The following SDK1 variants were observed in gnomAD, a reference collection of about 807,000 sequenced individuals.
The protein encoded by SDK1 is protein sidekick-1.
SDK1 carries 157 observed loss-of-function variants against 245.5 expected under a neutral mutation model. The ratio of observed to expected loss-of-function variants is 0.64; its 90% CI spans 0.56 to 0.73. SDK1 has a LOEUF of 0.73. Ranked by LOEUF, SDK1 falls within the 30% of genes least tolerant of loss-of-function variation. SDK1 has a pLI of 0.00. For missense variants in SDK1, 3,583 were observed against 3,002.3 expected, an observed-to-expected ratio of 1.19 and a Z score of -4.52; for synonymous variants, 1,647 against 1,278.5, an observed-to-expected ratio of 1.29 and a Z score of -6.15.
intron 1 of SDK1, among the ~76,000 whole-genome samples, chr7:3,330,020 A>T (rs765353415): frequency 2.0e-5 from 3 of 152,206 alleles, no homozygotes; most frequent in Non-Finnish European, 4.4e-5. Context: ...TACCAAGTAG[A>T]TGTCTATACT....
intron 5 of SDK1, among the ~76,000 whole-genome samples, chr7:3,946,323 A>C (rs1780577309): frequency 6.6e-6 from 1 of 152,022 alleles, no homozygotes; most frequent in Non-Finnish European, 1.5e-5. Context: ...GACCACAGGC[A>C]CAGACCACTA....
At chr7:3,524,801 TC>T (rs1178744442) in intron 1 of SDK1, among the ~76,000 whole-genome samples, 1 of 151,942 alleles carries the variant, frequency 6.6e-6, no homozygotes, top group East Asian at 1.9e-4. Flanking sequence ...TCTGTAGAGG[TC>T]CAGATTAGAA....
At chr7:4,060,187 T>G (rs535382853) in intron 19 of SDK1, among the ~76,000 whole-genome samples, 3 of 152,246 alleles carry the variant, frequency 2.0e-5, no homozygotes, top group South Asian at 2.1e-4. Context: ...GGCCAGAAAT[T>G]TCTTGAAACA....
At chr7:3,574,071 C>G (rs1780205769) in intron 1 of SDK1, among the ~76,000 whole-genome samples, 1 of 151,316 alleles carries the variant, frequency 6.6e-6, no homozygotes, top group South Asian at 2.1e-4. Flanking sequence ...TAGACTTTGC[C>G]TCTGCAGCTA....
intron 2 of SDK1, among the ~76,000 whole-genome samples, chr7:3,637,188 C>G (rs1779704135): frequency 6.6e-6 from 1 of 152,120 alleles, no homozygotes; most frequent in Admixed American, 6.5e-5. Context: ...ACCTCCGCCT[C>G]CCGAGTTCAA....
intron 32 of SDK1, among the ~76,000 whole-genome samples, chr7:4,162,563 C>G (rs1248118654): frequency 6.6e-6 from 1 of 151,978 alleles, no homozygotes; most frequent in African/African-American, 2.4e-5. Flanking sequence ...CTACACCCAA[C>G]TAACTTTTGT....
rs553950942 is a variant in SDK1, at chr7:3,842,768, A to G, written c.847+21185A>G. ...TCCTTTTCTCCCTCACTTCTTCTTC[A>G]CGGGAATTCCGCTTCCTGATAATGC... On this transcript the variant is annotated intron_variant, in intron 5 of 44. Transcript: ENST00000404826. Among the ~76,000 whole-genome samples the G allele has an allele frequency of 2.0e-5, 3 of 152,138 alleles. No homozygotes were observed. The East Asian group carries it at 5.8e-4, about 30-fold the overall frequency.
At chr7:4,030,768 C>T (rs990319777) in intron 17 of SDK1, among the ~76,000 whole-genome samples, 1 of 152,204 alleles carries the variant, frequency 6.6e-6, no homozygotes, top group African/African-American at 2.4e-5. Context: ...AGCCTTCCCG[C>T]TGTGTTTCAT....
In SDK1 at chr7:4,120,981, CT is replaced by C. The variant is rs1001001779; in HGVS notation, c.3824-6390del. 5.8e-4 allele frequency among the ~76,000 whole-genome samples: 85 copies of C among 147,088 alleles called. 2 individuals carry two copies. The South Asian group carries it at 0.012, about 20-fold the overall frequency. On this transcript the variant is annotated intron_variant, in intron 25 of 44. Transcript: ENST00000404826. ...ATGGCAAAACTGCTGATTTGAGACT[CT>C]TTTTTTTTTAAACAAACATTTCCAG... is the stretch of plus-strand genomic sequence containing the variant.
intron 1 of SDK1, among the ~76,000 whole-genome samples, chr7:3,444,943 A>C (rs907763857): frequency 1.4e-4 from 21 of 152,226 alleles, no homozygotes; most frequent in Non-Finnish European, 2.8e-4. Context: ...TCCTACTTAC[A>C]AACTACTTTG....
intron 7 of SDK1, among the ~76,000 whole-genome samples, chr7:3,958,724 C>G (rs1781451494): frequency 6.6e-6 from 1 of 152,168 alleles, no homozygotes; most frequent in Admixed American, 6.5e-5. Context: ...AGCCATCACC[C>G]TGAGTAGTAA....
chr7:3,572,573 C>T (rs899622947), intron 1 of SDK1, among the ~76,000 whole-genome samples: 2 of 152,040 alleles, frequency 1.3e-5, no homozygotes, highest in South Asian at 4.1e-4. Context: ...AATCGTCTCA[C>T]TGTGTGTGAG....
intron 1 of SDK1, among the ~76,000 whole-genome samples, chr7:3,506,052 C>A (rs1378223585): frequency 6.6e-6 from 1 of 151,528 alleles, no homozygotes; most frequent in Non-Finnish European, 1.5e-5. Flanking sequence ...TTGTAGACAC[C>A]CACATTTACC....
At chr7:3,512,190 G>A (rs778254033) in intron 1 of SDK1, among the ~76,000 whole-genome samples, 6 of 151,962 alleles carry the variant, frequency 3.9e-5, no homozygotes, top group Non-Finnish European at 8.8e-5. Context: ...TTTGCAGAAT[G>A]TCGTATCATT....
At chr7:3,929,773 G>A (rs1309907152) in intron 5 of SDK1, among the ~76,000 whole-genome samples, 2 of 152,102 alleles carry the variant, frequency 1.3e-5, no homozygotes, top group African/African-American at 2.4e-5. Flanking sequence ...TTGTAGATAG[G>A]TGGAGAGGTG....
chr7:3,981,253 C>T lies in SDK1; in HGVS notation c.1995-5933C>T, dbSNP rs1783380047. On this transcript the variant is annotated intron_variant, in intron 13 of 44. Transcript: ENST00000404826. The stretch of plus-strand genomic sequence containing the variant: ...AATTGTTTTGGGACACCATGAGCCA[C>T]GCCGATGTTAAGATGGCAAACTTAA... Among the ~76,000 whole-genome samples the T allele has an allele frequency of 3.3e-5, 5 of 152,148 alleles. No homozygotes were observed. The South Asian group carries it at 1.0e-3, about 32-fold the overall frequency.
chr7:3,388,252 A>G (rs1781658950), intron 1 of SDK1, among the ~76,000 whole-genome samples: 1 of 151,868 alleles, frequency 6.6e-6, no homozygotes, highest in Admixed American at 6.6e-5. Flanking sequence ...ATTTTTATGT[A>G]TGTAAAGTTC....
At chr7:4,090,043 G>A (rs974895608) in intron 22 of SDK1, among the ~76,000 whole-genome samples, 8 of 152,164 alleles carry the variant, frequency 5.3e-5, no homozygotes, top group Admixed American at 3.3e-4. Context: ...CCTAGGTGAC[G>A]CATTTTTGGC....
At chr7:3,466,314 C>A (rs1781000256) in intron 1 of SDK1, among the ~76,000 whole-genome samples, 1 of 151,660 alleles carries the variant, frequency 6.6e-6, no homozygotes, top group Non-Finnish European at 1.5e-5. Context: ...TGAGATGTTC[C>A]ATCCTGAAGT....
Sources: gnomAD v4.1 joint callset for allele counts (sites outside exome capture counted in the v4.1 genomes callset) on GRCh38, gnomAD v4.1.1 for gene constraint, MANE v1.5 for transcripts, NCBI Gene and HGNC (gene_info 2026-07-23, HGNC 2026-07-21) for gene names.